PCSK2: variants seen among roughly 807,000 people sequenced by gnomAD.
PCSK2 encodes the protein proprotein convertase subtilisin/kexin type 2.
In PCSK2, 14 loss-of-function variants were observed where a neutral mutation model predicts 69.7. That is an observed-to-expected ratio of 0.20 (90% CI 0.13 to 0.31). PCSK2 has a LOEUF of 0.31. PCSK2 is among the 10% of genes least tolerant of loss of function. The probability of loss-of-function intolerance (pLI) is 1.00; values close to 1 mark genes in which losing one functional copy is unlikely to be tolerated. For synonymous variants in PCSK2, 307 were observed against 320.7 expected, an observed-to-expected ratio of 0.96 and a Z score of 0.46; for missense variants, 544 against 842.5, an observed-to-expected ratio of 0.65 and a Z score of 4.39.
chr20:17,361,039 A>G (rs972415353), intron 4 of PCSK2, among the ~76,000 whole-genome samples: 3 of 152,228 alleles, frequency 2.0e-5, no homozygotes, highest in African/African-American at 7.2e-5. Context: ...TTACATTTTA[A>G]TTAATTAAAG....
At chr20:17,455,582 C>T (rs1194491842) in intron 9 of PCSK2, among the ~76,000 whole-genome samples, 2 of 152,206 alleles carry the variant, frequency 1.3e-5, no homozygotes, top group Admixed American at 1.3e-4. Flanking sequence ...TTGATTCTTT[C>T]CTCTTCGGGA....
At chr20:17,246,081 CT>C (rs1986761635) in intron 1 of PCSK2, among the ~76,000 whole-genome samples, 1 of 152,170 alleles carries the variant, frequency 6.6e-6, no homozygotes, top group Admixed American at 6.5e-5. Context: ...TGACATGATA[CT>C]CTGCACCTAG....
intron 9 of PCSK2, 48 bp from the exon 10 acceptor site, chr20:17,456,300 C>A (rs2032921671): frequency 9.7e-7 from 1 of 1,032,380 alleles, no homozygotes; most frequent in Non-Finnish European, 1.5e-6. Context: ...TGCGGGGGTT[C>A]AAAATAGCGT....
intron 8 of PCSK2, among the ~76,000 whole-genome samples, chr20:17,444,263 G>C (rs766228721): frequency 6.6e-6 from 1 of 152,122 alleles, no homozygotes; most frequent in Admixed American, 6.6e-5. Flanking sequence ...TGATTAAAAG[G>C]AAGAGAACAA....
intron 1 of PCSK2, among the ~76,000 whole-genome samples, chr20:17,241,129 T>C (rs936213465): frequency 1.3e-5 from 2 of 152,152 alleles, no homozygotes; most frequent in South Asian, 4.1e-4. Flanking sequence ...TGTGAGGCCG[T>C]GACTGTCAGC....
intron 2 of PCSK2, among the ~76,000 whole-genome samples, chr20:17,275,567 T>A (rs1988036549): frequency 6.6e-6 from 1 of 152,176 alleles, no homozygotes; most frequent in African/African-American, 2.4e-5. Context: ...AGTTTTGTGC[T>A]GACAAATCTA....
chr20:17,349,656 C>G (rs1192740800), intron 2 of PCSK2, among the ~76,000 whole-genome samples: 1 of 151,486 alleles, frequency 6.6e-6, no homozygotes, highest in Non-Finnish European at 1.5e-5. Context: ...TTTTAACCTA[C>G]CAAGAAAAAA....
At chr20:17,264,063 C>T (rs757066039) in intron 2 of PCSK2, among the ~76,000 whole-genome samples, 1 of 152,108 alleles carries the variant, frequency 6.6e-6, no homozygotes, top group Non-Finnish European at 1.5e-5. Flanking sequence ...TCTACAAGTA[C>T]CTGAAAAGCT....
At chr20:17,332,043 C>A (rs547312054) in intron 2 of PCSK2, among the ~76,000 whole-genome samples, 42 of 151,976 alleles carry the variant, frequency 2.8e-4, no homozygotes, top group Non-Finnish European at 4.3e-4. Context: ...TGTTCTGAAC[C>A]CTTTACATTT....
intron 11 of PCSK2, among the ~76,000 whole-genome samples, chr20:17,467,307 A>G (rs2033120442): frequency 6.6e-6 from 1 of 152,208 alleles, no homozygotes. Context: ...TGTTCTCCAA[A>G]TTCATTAGAT....
At chr20:17,424,290 A>G (rs2032196723) in intron 6 of PCSK2, among the ~76,000 whole-genome samples, 1 of 152,210 alleles carries the variant, frequency 6.6e-6, no homozygotes, top group Non-Finnish European at 1.5e-5. Context: ...TAGATCATAC[A>G]CTAGGAAATT....
At chr20:17,395,511 T>C (rs2031491142) in intron 5 of PCSK2, among the ~76,000 whole-genome samples, 1 of 152,174 alleles carries the variant, frequency 6.6e-6, no homozygotes, top group Non-Finnish European at 1.5e-5. Context: ...GTCACATTTT[T>C]TGTACTCAAC....
chr20:17,428,778 C>T (rs1568645394), intron 6 of PCSK2, among the ~76,000 whole-genome samples: 2 of 151,744 alleles, frequency 1.3e-5, no homozygotes, highest in African/African-American at 4.8e-5. Flanking sequence ...ATGGGAAGAT[C>T]GCTTGAGCCC....
chr20:17,479,325 T>A (rs886346264), intron 11 of PCSK2: 1 of 796,430 alleles, frequency 1.3e-6, no homozygotes, highest in Non-Finnish European at 2.2e-6. Flanking sequence ...GTTGTTGTAA[T>A]TATAATCTTC....
intron 11 of PCSK2, among the ~76,000 whole-genome samples, chr20:17,474,574 C>T (rs1017420014): frequency 1.3e-5 from 2 of 152,150 alleles, no homozygotes; most frequent in Non-Finnish European, 2.9e-5. Context: ...TTCTCAGCCT[C>T]GCTGTCATTT....
chr20:17,420,943 A>G (rs1327455026), intron 6 of PCSK2, among the ~76,000 whole-genome samples: 1 of 152,226 alleles, frequency 6.6e-6, no homozygotes, highest in Non-Finnish European at 1.5e-5. Context: ...TGTGAAATTC[A>G]GCAAAGAGAT....
Position 17,332,521 on chromosome 20 carries a change from A to G in PCSK2, c.283-25806A>G, listed in dbSNP as rs1600498500. Among the ~76,000 whole-genome samples, 5 of 152,298 alleles carry G rather than the reference A, an allele frequency of 3.3e-5. No homozygotes were observed. In the South Asian group the frequency reaches 1.0e-3, roughly 32 times the overall value. On this transcript the variant is annotated intron_variant, in intron 2 of 11. Transcript: ENST00000262545. The stretch of plus-strand genomic sequence containing the variant: ...AAATCTGGGAGGGACACCATCAAGC[A>G]CAGCTTTCTCTAGGGCAACAGTTCT...
intron 2 of PCSK2, among the ~76,000 whole-genome samples, chr20:17,265,255 C>T (rs1987551220): frequency 1.3e-5 from 2 of 152,158 alleles, no homozygotes; most frequent in Admixed American, 1.3e-4. Context: ...TTACCATCAC[C>T]ATGACTGCAT....
At chr20:17,467,514 G>A (rs555718233) in intron 11 of PCSK2, among the ~76,000 whole-genome samples, 5 of 152,362 alleles carry the variant, frequency 3.3e-5, no homozygotes, top group East Asian at 1.9e-4. Flanking sequence ...GGTGGGACAC[G>A]AAAATCTGCC....
Sources: allele counts gnomAD v4.1 joint callset (sites outside exome capture counted in the v4.1 genomes callset), GRCh38; gene constraint gnomAD v4.1.1; transcripts MANE v1.5; gene names NCBI Gene and HGNC (gene_info 2026-07-23, HGNC 2026-07-21).